The following COG5 variants were observed in gnomAD, a reference collection of about 807,000 sequenced individuals.
COG5 encodes component of oligomeric golgi complex 5.
COG5 carries 86 observed loss-of-function variants against 110.4 expected under a neutral mutation model. The observed-to-expected ratio is 0.78, with a 90% CI of 0.65 to 0.93. COG5 has a LOEUF of 0.93. Ranked by LOEUF, COG5 falls within the 40% of genes least tolerant of loss-of-function variation. COG5 has a pLI of 0.00. For synonymous variants in COG5, 360 were observed against 334.6 expected (o/e 1.08, Z -0.83); for missense variants, 1,077 against 987.0 (o/e 1.09, Z -1.22).
chr7:107,399,554 T>G (rs976446659), intron 7 of COG5, among the ~76,000 whole-genome samples: 3 of 152,188 alleles, frequency 2.0e-5, no homozygotes, highest in African/African-American at 4.8e-5. Flanking sequence ...CCTCATCCCC[T>G]TCTGCCATGA....
chr7:107,338,144 G>GA (rs201667895), intron 10 of COG5, among the ~76,000 whole-genome samples: 6,794 of 150,866 alleles, frequency 0.045, 206 homozygotes, highest in Middle Eastern at 0.12. Context: ...GTAGAAATAA[G>GA]AAAAAAAAAT....
chr7:107,512,498 T>C (rs1188980271), intron 6 of COG5, among the ~76,000 whole-genome samples: 4 of 152,034 alleles, frequency 2.6e-5, no homozygotes, highest in Non-Finnish European at 4.4e-5. Flanking sequence ...TTCAATGCCA[T>C]CCCCATCAAG....
intron 10 of COG5, among the ~76,000 whole-genome samples, chr7:107,325,004 A>G (rs1488481454): frequency 6.6e-6 from 1 of 152,180 alleles, no homozygotes; most frequent in African/African-American, 2.4e-5. Context: ...TGCTTACAAC[A>G]TGCTTGTTAG....
intron 11 of COG5, among the ~76,000 whole-genome samples, chr7:107,314,208 T>C (rs925298533): frequency 2.0e-5 from 3 of 152,150 alleles, no homozygotes; most frequent in African/African-American, 2.4e-5. Flanking sequence ...AAAATTCCAT[T>C]AGAAATTAGT....
chr7:107,408,530 C>T (rs1224701931), intron 7 of COG5, among the ~76,000 whole-genome samples: 2 of 152,200 alleles, frequency 1.3e-5, no homozygotes, highest in African/African-American at 2.4e-5. Context: ...TATGTGTTTG[C>T]TGTAAAAGGG....
rs151282433 is a variant in COG5 at position 107,362,888 on chromosome 7, A to G, written c.836-468T>C. 2.8e-4 allele frequency among the ~76,000 whole-genome samples: 43 copies of G among 152,246 alleles called. 2 individuals are homozygous for G. In the East Asian group the frequency reaches 8.1e-3, roughly 29 times the overall value. On this transcript the variant is annotated intron_variant, in intron 8 of 21. Coordinates refer to ENST00000297135, the MANE Select transcript of COG5 (RefSeq NM_006348.5). ...ATAAAACTAACTGTATATCAAATTGACAATATAACCACACAGGAGGAAAAC... is the reference window on the plus strand; with the variant it reads ...ATAAAACTAACTGTATATCAAATTGGCAATATAACCACACAGGAGGAAAAC...
At chr7:107,549,829 C>G (rs1802757726) in intron 3 of COG5, among the ~76,000 whole-genome samples, 1 of 152,134 alleles carries the variant, frequency 6.6e-6, no homozygotes, top group African/African-American at 2.4e-5. Context: ...GCCATCTGCT[C>G]TTCTCCATCT....
chr7:107,342,709 A>G (rs185204265), intron 10 of COG5, among the ~76,000 whole-genome samples: 2 of 152,122 alleles, frequency 1.3e-5, no homozygotes, highest in East Asian at 1.9e-4. Context: ...AAAAAACCCA[A>G]AAAACCCACA....
At chr7:107,298,804 T>C (rs769147384) in intron 11 of COG5, among the ~76,000 whole-genome samples, 25 of 152,170 alleles carry the variant, frequency 1.6e-4, no homozygotes, top group Non-Finnish European at 3.5e-4. Flanking sequence ...CCGGTCTCAA[T>C]ACATTGAAAA....
At chr7:107,295,064 CACATATATATAT>C (rs1304340815) in intron 12 of COG5, among the ~76,000 whole-genome samples, 3 of 54,390 alleles carry the variant, frequency 5.5e-5, no homozygotes, top group African/African-American at 2.6e-4. Flanking sequence ...CACACACACA[CACATATATATAT>C]ATATATATAT....
intron 6 of COG5, among the ~76,000 whole-genome samples, chr7:107,504,605 C>G (rs1245249112): frequency 1.3e-5 from 2 of 152,122 alleles, no homozygotes; most frequent in Non-Finnish European, 2.9e-5. Context: ...TGGTAGAATT[C>G]AGCTGTGAAT....
At chr7:107,398,632 G>A (rs1224794006) in intron 7 of COG5, among the ~76,000 whole-genome samples, 2 of 152,150 alleles carry the variant, frequency 1.3e-5, no homozygotes, top group African/African-American at 2.4e-5. Context: ...CAAAAAGGCT[G>A]GGGATCACTG....
intron 6 of COG5, among the ~76,000 whole-genome samples, chr7:107,492,890 C>T (rs574527731): frequency 6.6e-6 from 1 of 152,128 alleles, no homozygotes; most frequent in South Asian, 2.1e-4. Flanking sequence ...TTGTGCCATA[C>T]TTGTTGAGCT....
At chr7:107,550,808 C>A (rs1584958020) in intron 3 of COG5, among the ~76,000 whole-genome samples, 1 of 151,880 alleles carries the variant, frequency 6.6e-6, no homozygotes, top group East Asian at 1.9e-4. Context: ...CAGGTTCAAG[C>A]AATTCTCATG....
At position 107,546,435 on chromosome 7, in the gene COG5, GTTTT is replaced by G. The variant is rs754919944; in HGVS notation, c.417+1672_417+1675del. 4.2e-5 allele frequency among the ~76,000 whole-genome samples: 5 copies of G among 119,482 alleles called. No individual in the cohort carries two copies. The East Asian group carries it at 1.0e-3, about 25-fold the overall frequency. The allele number at this position is 119,482 out of a possible 152,430, so 78.4% of individuals were successfully genotyped here. A position where few individuals can be genotyped will look rare whatever the true frequency, so the allele number is the denominator to read the frequency against. The stretch of plus-strand genomic sequence containing the variant: ...ACCAAGAGTTGTGTTTTGGTTTTTT[GTTTT>G]TTTTTTTTTTTTTTGAGACAAGGTC... On this transcript the variant is annotated intron_variant, in intron 5 of 21. Transcript: ENST00000297135.
intron 7 of COG5, among the ~76,000 whole-genome samples, chr7:107,386,771 G>C (rs1309099366): frequency 2.0e-5 from 3 of 152,122 alleles, no homozygotes; most frequent in Non-Finnish European, 4.4e-5. Flanking sequence ...GAACAAGTAG[G>C]GAGAAATCTG....
intron 8 of COG5, among the ~76,000 whole-genome samples, chr7:107,365,596 C>CAAAAAAAAAAAAAAAAAAAAAAAAAAAAA (rs71134263): frequency 5.5e-5 from 2 of 36,692 alleles, no homozygotes; most frequent in Non-Finnish European, 1.0e-4. Flanking sequence ...TGCAAAATGA[C>CAAAAAAAAAAAAAAAAAAAAAAAAAAAAA]AAAAAAAAAA....
intron 5 of COG5, among the ~76,000 whole-genome samples, chr7:107,533,582 T>G (rs139935863): frequency 2.6e-5 from 4 of 151,536 alleles, no homozygotes; most frequent in Admixed American, 2.6e-4. Flanking sequence ...GACGATCAAC[T>G]TAATGAAATA....
At chr7:107,236,778 C>A in intron 17 of COG5, 91 bp from the exon 18 acceptor site, 2 of 850,584 alleles carry the variant, frequency 2.4e-6, no homozygotes, top group East Asian at 4.8e-5. Flanking sequence ...GCTGCTATTT[C>A]AATCCTTTGT....
Sources: gnomAD v4.1 joint callset for allele counts (sites outside exome capture counted in the v4.1 genomes callset) on GRCh38, gnomAD v4.1.1 for gene constraint, MANE v1.5 for transcripts, NCBI Gene and HGNC (gene_info 2026-07-23, HGNC 2026-07-21) for gene names.